MIA2: variants seen among roughly 807,000 people sequenced by gnomAD.
MIA2 encodes melanoma inhibitory activity protein 2.
In MIA2, 127 loss-of-function variants were observed where a neutral mutation model predicts 167.8. That is an observed-to-expected ratio of 0.76 (90% CI 0.66 to 0.88). The LOEUF (loss-of-function observed/expected upper bound fraction) is 0.88, where lower values mean the gene tolerates loss of function less well. Among genes scored for constraint, MIA2 ranks in the 40% least tolerant of loss-of-function variants. MIA2 has a pLI of 0.00. For synonymous variants in MIA2, 552 were observed against 541.9 expected (o/e 1.02, Z -0.26); for missense variants, 1,690 against 1,624.7 (o/e 1.04, Z -0.69).
chr14:39,298,533 T>TCTTTG (rs1165441904), intron 13 of MIA2, among the ~76,000 whole-genome samples: 5 of 129,246 alleles, frequency 3.9e-5, no homozygotes, highest in Non-Finnish European at 8.3e-5. Context: ...GAACAGAGTT[T>TCTTTG]TTTTTTTTTT....
chr14:39,234,768 A>G (rs1214765074), intron 1 of MIA2, among the ~76,000 whole-genome samples: 1 of 152,072 alleles, frequency 6.6e-6, no homozygotes, highest in Non-Finnish European at 1.5e-5. Context: ...TTTATTATGT[A>G]AAAATACTGA....
chr14:39,312,938 C>T (rs1244002073), intron 18 of MIA2, among the ~76,000 whole-genome samples: 3 of 151,930 alleles, frequency 2.0e-5, no homozygotes, highest in Non-Finnish European at 2.9e-5. Context: ...GAAGCCTAAT[C>T]ACTAACCAAT....
intron 23 of MIA2, among the ~76,000 whole-genome samples, chr14:39,383,076 CTA>C (rs929036053): frequency 7.1e-4 from 104 of 146,514 alleles, no homozygotes; most frequent in African/African-American, 2.5e-3. Flanking sequence ...GATGATATGA[CTA>C]TTACCTGTAA....
At chr14:39,279,788 C>A (rs911464350) in intron 9 of MIA2, among the ~76,000 whole-genome samples, 1 of 152,166 alleles carries the variant, frequency 6.6e-6, no homozygotes, top group Non-Finnish European at 1.5e-5. Flanking sequence ...CAAACACATC[C>A]TCTGCATGTG....
rs200898323 is a variant in MIA2, at chr14:39,373,819, TAAAAATA to T, written c.2249-13045_2249-13039del. 5.4e-3 allele frequency among the ~76,000 whole-genome samples: 814 copies of T among 151,728 alleles called. 2 individuals are homozygous for T. The highest frequency in any genetic ancestry group is 0.02 in the Middle Eastern group (6 of 294). Reference sequence around the variant, plus strand: ...CTGCATGATAGAGCAAGAGTTGGTCTAAAAATAAAAAATAAAAAATAAAAAATGAGAA... The same window carrying T: ...CTGCATGATAGAGCAAGAGTTGGTCTAAAAATAAAAAATAAAAAATGAGAA... On this transcript the variant is annotated intron_variant, in intron 23 of 23. Coordinates refer to the MIA2 transcript ENST00000341502.
intron 4 of MIA2, among the ~76,000 whole-genome samples, chr14:39,251,581 A>G (rs1324167847): frequency 1.3e-5 from 2 of 152,110 alleles, no homozygotes; most frequent in Non-Finnish European, 2.9e-5. Context: ...TTATTGAATA[A>G]TCCTTTTTTT....
chr14:39,277,768 A>ATATATGTGTG (rs2058362741), intron 7 of MIA2, among the ~76,000 whole-genome samples: 2 of 38,172 alleles, frequency 5.2e-5, no homozygotes, highest in Non-Finnish European at 4.8e-5. Flanking sequence ...ATATATATAT[A>ATATATGTGTG]TATATATATA....
At chr14:39,299,308 T>TTC (rs1297969798) in intron 13 of MIA2, among the ~76,000 whole-genome samples, 1 of 129,374 alleles carries the variant, frequency 7.7e-6, no homozygotes, top group African/African-American at 2.9e-5. Flanking sequence ...GGTATTTCTT[T>TTC]TTTTTTTTTT....
chr14:39,358,783 A>G lies in MIA2; in HGVS notation c.2248+9806A>G, dbSNP rs565486640. On this transcript the variant is annotated intron_variant, in intron 23 of 23. Coordinates refer to the MIA2 transcript ENST00000341502. ...TTTCCTTCTAACAGTCAGGATCCTC[A>G]GCTGCAGGTCTGTTGGAATTTGCTG... is the stretch of plus-strand genomic sequence containing the variant. 2.6e-5 allele frequency among the ~76,000 whole-genome samples: 4 copies of G among 152,296 alleles called. No individual in the cohort carries two copies. In the South Asian group the frequency reaches 8.3e-4, roughly 32 times the overall value.
chr14:39,266,063 T>C (rs2055579610), intron 6 of MIA2: 1 of 985,342 alleles, frequency 1.0e-6, no homozygotes, highest in Non-Finnish European at 1.2e-6. Context: ...TTTGATTTTT[T>C]AAATGGCATA....
At chr14:39,334,659 C>T (rs2069873704) in intron 25 of MIA2, among the ~76,000 whole-genome samples, 3 of 150,998 alleles carry the variant, frequency 2.0e-5, no homozygotes, top group East Asian at 2.0e-4. Flanking sequence ...CTCTGCCTCC[C>T]GGGTTCAAGC....
intron 3 of MIA2, 62 bp downstream of exon 3, chr14:39,240,709 C>T: frequency 8.0e-7 from 1 of 1,255,198 alleles, no homozygotes; most frequent in Non-Finnish European, 1.2e-6. Flanking sequence ...AACAGTTTTC[C>T]CAGGTATCAG....
chr14:39,288,993 T>C (rs550142551), intron 9 of MIA2, among the ~76,000 whole-genome samples: 2 of 152,322 alleles, frequency 1.3e-5, no homozygotes, highest in South Asian at 2.1e-4. Flanking sequence ...TCATAAAATG[T>C]GTTAGGAAAT....
At chr14:39,322,804 A>T (rs1457637695) in intron 24 of MIA2, among the ~76,000 whole-genome samples, 1 of 152,100 alleles carries the variant, frequency 6.6e-6, no homozygotes, top group Non-Finnish European at 1.5e-5. Flanking sequence ...ATAGGGCCTT[A>T]TTTATTTCAA....
At chr14:39,241,198 G>C (rs183466650) in intron 3 of MIA2, among the ~76,000 whole-genome samples, 1 of 152,266 alleles carries the variant, frequency 6.6e-6, no homozygotes, top group Admixed American at 6.5e-5. Flanking sequence ...TCATGAGCAT[G>C]ATAATGTTGG....
rs1159366288 is a variant in MIA2, at chr14:39,293,274, A to G, written c.2212A>G (p.Thr738Ala). The G allele has an allele frequency of 1.2e-6, 2 of 1,606,994 alleles. No individual in the cohort carries two copies. Among genetic ancestry groups the G allele is most frequent in the Admixed American group, 1.7e-5 (1 of 59,308 alleles). The change falls in exon 11 of 29, where the codon ACC (threonine) becomes GCC (alanine). Residue 738 changes from threonine (T) to alanine (A), a missense_variant. By Grantham distance (58) the Thr-to-Ala change is moderately conservative (BLOSUM62 0). Transcript: ENST00000640607. Reference protein sequence around the residue: ...EATEAQSLEATCEKLNRSNSE... With the variant: ...EATEAQSLEAACEKLNRSNSE... ...TAAAGTTGGCTTTCTCTCTTAGGCAACCTGTGAAAAGCTGAACAGGTCCAA... is the reference window on the plus strand; with the variant it reads ...TAAAGTTGGCTTTCTCTCTTAGGCAGCCTGTGAAAAGCTGAACAGGTCCAA...
rs2062112912 is a variant in MIA2 at position 39,299,862 on chromosome 14, A to T, written c.2497-2A>T. 6.3e-7 allele frequency: 1 copy of T among 1,597,132 alleles called. No individual in the cohort carries two copies. Among genetic ancestry groups the T allele is most frequent in the African/African-American group, 1.4e-5 (1 of 73,836 alleles). Reference sequence around the variant, plus strand: ...TTGCATTTTTAAAATTTTCATTTTCAGCTTTTGCAAGAAGCTGAAGTATGG... The same window carrying T: ...TTGCATTTTTAAAATTTTCATTTTCTGCTTTTGCAAGAAGCTGAAGTATGG... On this transcript the variant is annotated splice_acceptor_variant, in intron 13 of 28. Coordinates refer to ENST00000640607, the MANE Select transcript of MIA2 (RefSeq NM_001329214.4). LOFTEE classifies it high-confidence loss of function.
Position 39,350,482 on chromosome 14 carries a change from A to G in MIA2, c.*218A>G, listed in dbSNP as rs185518962. ...ACGGTATAACTATTTCAATTTGATT[A>G]ATCCACTATTATATAAACAATAGTG... On this transcript the variant is annotated 3_prime_UTR_variant, in exon 29 of 29. Coordinates refer to ENST00000640607, the MANE Select transcript of MIA2 (RefSeq NM_001329214.4). The G allele has an allele frequency of 9.9e-6, 4 of 403,048 alleles. No individual in the cohort carries two copies. The highest frequency in any genetic ancestry group is 2.1e-5 in the African/African-American group (1 of 48,442). 25.0% of individuals were successfully genotyped at this position (403,048 alleles called of 1,614,324 possible). A position where few individuals can be genotyped will look rare whatever the true frequency, so the allele number is the denominator to read the frequency against.
chr14:39,291,184 TTG>T, intron 10 of MIA2, 88 bp downstream of exon 10: 1 of 1,196,320 alleles, frequency 8.4e-7, no homozygotes, highest in African/African-American at 1.6e-5. Flanking sequence ...TGAAAACTAT[TTG>T]AAAAAAATGT....
Sources: allele counts gnomAD v4.1 joint callset (sites outside exome capture counted in the v4.1 genomes callset), GRCh38; gene constraint gnomAD v4.1.1; transcripts MANE v1.5; gene names NCBI Gene and HGNC (gene_info 2026-07-23, HGNC 2026-07-21).